The following ARNT variants were observed in gnomAD, a reference collection of about 807,000 sequenced individuals.
ARNT encodes aryl hydrocarbon receptor nuclear translocator.
Under a neutral mutation model 105.0 loss-of-function variants are expected in ARNT, and 30 were observed. The ratio of observed to expected loss-of-function variants is 0.29; its 90% CI spans 0.21 to 0.39. The LOEUF (loss-of-function observed/expected upper bound fraction) is 0.39, where lower values mean the gene tolerates loss of function less well. Among genes scored for constraint, ARNT ranks in the 10% least tolerant of loss-of-function variants. The pLI is 1.00. For synonymous variants in ARNT, 304 were observed against 344.0 expected, an observed-to-expected ratio of 0.88 and a Z score of 1.29; for missense variants, 748 against 978.7, an observed-to-expected ratio of 0.76 and a Z score of 3.15.
Position 150,836,557 on chromosome 1 carries a change from AG to A in ARNT, c.487-65del. 8 of 1,504,254 alleles carry A rather than the reference AG, an allele frequency of 5.3e-6. No individual in the cohort carries two copies. In the South Asian group the frequency reaches 1.0e-4, roughly 19 times the overall value. The allele number at this position is 1,504,254 out of a possible 1,614,324, so 93.2% of individuals were successfully genotyped here. ...TGAAAAAACAAGTATTTCTATTCAC[AG>A]GAAGAAGTAAGACACTTCAGGCCAC... On this transcript the variant is annotated intron_variant, in intron 6 of 21. Coordinates refer to ENST00000358595, the MANE Select transcript of ARNT (RefSeq NM_001668.4).
intron 4 of ARNT, among the ~76,000 whole-genome samples, chr1:150,844,504 A>G (rs1471157025): frequency 6.6e-6 from 1 of 152,128 alleles, no homozygotes; most frequent in Non-Finnish European, 1.5e-5. Context: ...CTCTACATCA[A>G]CGGTTCTTAA....
In ARNT at chr1:150,813,158, T is replaced by TTTCA; in HGVS notation, c.2280+10_2280+13dup. The TTTCA allele has an allele frequency of 6.2e-7, 1 of 1,608,614 alleles. No individual in the cohort carries two copies. On this transcript the variant is annotated intron_variant, in intron 21 of 21. Coordinates refer to ENST00000358595, the MANE Select transcript of ARNT (RefSeq NM_001668.4). ...CCCAGCTTCTAATTTTTGAAAGTCT[T>TTTCA]TTCACTCTCTTACCTGGAAGACCTC...
intron 1 of ARNT, among the ~76,000 whole-genome samples, chr1:150,871,654 A>G (rs1667456007): frequency 6.8e-6 from 1 of 146,114 alleles, no homozygotes; most frequent in Non-Finnish European, 1.5e-5. Flanking sequence ...TCACGCCTGT[A>G]ATCCCAGCAC....
intron 14 of ARNT, among the ~76,000 whole-genome samples, chr1:150,821,839 T>C (rs1438448892): frequency 6.8e-6 from 1 of 147,406 alleles, no homozygotes; most frequent in East Asian, 2.0e-4. Flanking sequence ...TTTTTTTTTT[T>C]TTTTTTTTTT....
At position 150,823,573 on chromosome 1, in the gene ARNT, C is replaced by T. The variant is rs587754111; in HGVS notation, c.1243-228G>A. Among the ~76,000 whole-genome samples, 13 of 141,516 alleles carry T rather than the reference C, an allele frequency of 9.2e-5. No homozygotes were observed. In the South Asian group the frequency reaches 1.8e-3, roughly 19 times the overall value. 92.8% of individuals were successfully genotyped at this position (141,516 alleles called of 152,430 possible). ...TAAGCTTTTTTTTTTTTTTTTGAGA[C>T]GGAGTCTCCCTCTGTCGCCCAGGCT... On this transcript the variant is annotated intron_variant, in intron 13 of 21. Coordinates refer to ENST00000358595, the MANE Select transcript of ARNT (RefSeq NM_001668.4).
chr1:150,832,938 C>T (rs1025776654), intron 8 of ARNT, among the ~76,000 whole-genome samples: 1 of 152,188 alleles, frequency 6.6e-6, no homozygotes, highest in Non-Finnish European at 1.5e-5. Context: ...GCTACTTTCC[C>T]TCTCCCTATC....
At chr1:150,872,434 A>G (rs1667598103) in intron 1 of ARNT, among the ~76,000 whole-genome samples, 1 of 152,198 alleles carries the variant, frequency 6.6e-6, no homozygotes. Context: ...TACAAACCCA[A>G]ACGGTATTAC....
intron 5 of ARNT, 33 bp downstream of exon 5, chr1:150,842,391 G>C (rs1161229780): frequency 6.2e-7 from 1 of 1,603,626 alleles, no homozygotes; most frequent in South Asian, 1.1e-5. Context: ...AGCATCATCT[G>C]CTTCATCATG....
chr1:150,866,947 T>G (rs1666684654), intron 1 of ARNT, among the ~76,000 whole-genome samples: 1 of 152,164 alleles, frequency 6.6e-6, no homozygotes, highest in South Asian at 2.1e-4. Context: ...GGCTCACACT[T>G]GTAATCCCAG....
At chr1:150,830,269 C>T (rs1659130180) in intron 10 of ARNT, 2 of 280,612 alleles carry the variant, frequency 7.1e-6, no homozygotes, top group Non-Finnish European at 1.4e-5. Flanking sequence ...TCACTTGAAC[C>T]CAGGAGGCGG....
chr1:150,854,687 T>A (rs775432368), intron 2 of ARNT, among the ~76,000 whole-genome samples: 2 of 151,632 alleles, frequency 1.3e-5, no homozygotes, highest in Admixed American at 1.3e-4. Flanking sequence ...TGAAACCTCG[T>A]CTCTACTAAA....
At chr1:150,817,263 A>T in intron 16 of ARNT, 61 bp from the exon 17 acceptor site, 7 of 1,612,308 alleles carry the variant, frequency 4.3e-6, no homozygotes, top group Non-Finnish European at 5.9e-6. Context: ...CAATAACCCT[A>T]AAATTCATAT....
rs755548248 is a variant in ARNT, at chr1:150,852,754, T to C, written c.182+8A>G. ...CAGACATCTAAGGAAAGTTTTTCAG[T>C]CTCTTACCTCAAAAATTTACTGTTC... is the stretch of plus-strand genomic sequence containing the variant. On this transcript the variant is annotated splice_region_variant and intron_variant, in intron 3 of 21. Transcript: ENST00000358595. 2 of 1,610,924 alleles carry C rather than the reference T, an allele frequency of 1.2e-6. No individual in the cohort carries two copies. The highest frequency in any genetic ancestry group is 8.5e-7 in the Non-Finnish European group (1 of 1,178,302).
Position 150,876,595 on chromosome 1 carries a change from A to ACCC in ARNT, c.-31_-29dup, listed in dbSNP as rs34415707. 115 of 1,367,712 alleles carry ACCC rather than the reference A, an allele frequency of 8.4e-5. No individual in the cohort carries two copies. In the East Asian group the frequency reaches 9.8e-4, roughly 12 times the overall value. 84.7% of individuals were successfully genotyped at this position (1,367,712 alleles called of 1,614,324 possible). On this transcript the variant is annotated 5_prime_UTR_variant, in exon 1 of 22. Transcript: ENST00000358595. ...CCGCAGATGCCACCGCCGCCGCGCC[A>ACCC]CCCCCCCCCCCAGTGGGAGGAGCCG... is the stretch of plus-strand genomic sequence containing the variant.
At chr1:150,866,162 T>C (rs1448440691) in intron 1 of ARNT, among the ~76,000 whole-genome samples, 5 of 152,092 alleles carry the variant, frequency 3.3e-5, no homozygotes, top group Non-Finnish European at 5.9e-5. Flanking sequence ...TTTGTATTTT[T>C]AGTAGAGACG....
At position 150,814,228 on chromosome 1, in the gene ARNT, G is replaced by C; in HGVS notation, c.1962C>G (p.Thr654=). ...RSGFSAQQVA[T]QATAKTRTSQ... ...AAGTACGAGTCTTAGCAGTAGCCTGGGTAGCCACCTGCTAAAGAGAGATGG... is the reference window on the plus strand; with the variant it reads ...AAGTACGAGTCTTAGCAGTAGCCTGCGTAGCCACCTGCTAAAGAGAGATGG... Residue 654 remains threonine, a synonymous_variant, in exon 20 of 22, where the codon ACC becomes ACG. Coordinates refer to ENST00000358595, the MANE Select transcript of ARNT (RefSeq NM_001668.4). 1 of 1,613,966 alleles carries C rather than the reference G, an allele frequency of 6.2e-7. No individual in the cohort carries two copies. Among genetic ancestry groups the C allele is most frequent in the Non-Finnish European group, 8.5e-7 (1 of 1,179,950 alleles).
intron 6 of ARNT, among the ~76,000 whole-genome samples, chr1:150,836,895 C>CAAAACA (rs910091917): frequency 6.6e-6 from 1 of 151,970 alleles, no homozygotes; most frequent in Non-Finnish European, 1.5e-5. Flanking sequence ...CAAAACAAAA[C>CAAAACA]AAAACAAAAA....
intron 6 of ARNT, among the ~76,000 whole-genome samples, chr1:150,837,440 C>T (rs1660529070): frequency 6.6e-6 from 1 of 152,116 alleles, no homozygotes; most frequent in Non-Finnish European, 1.5e-5. Context: ...TCCTAATTAC[C>T]AATTCAAGTC....
At chr1:150,858,229 A>G (rs1296738255) in intron 2 of ARNT, 120 bp downstream of exon 2, 3 of 698,914 alleles carry the variant, frequency 4.3e-6, no homozygotes, top group Non-Finnish European at 7.4e-6. Flanking sequence ...TAGTGTAGTA[A>G]GTAATCAAGT....
Sources: allele counts gnomAD v4.1 joint callset (sites outside exome capture counted in the v4.1 genomes callset), GRCh38; gene constraint gnomAD v4.1.1; transcripts MANE v1.5; gene names NCBI Gene and HGNC (gene_info 2026-07-23, HGNC 2026-07-21).